Variants in VWF observed in about 807,000 individuals in gnomAD.
VWF encodes the protein Factor VIII related antigen.
A neutral mutation model predicts 308.6 loss-of-function variants in VWF; 176 were observed. That is an observed-to-expected ratio of 0.57 (90% CI 0.50 to 0.65). VWF has a LOEUF of 0.65. Ranked by LOEUF, VWF falls within the 30% of genes least tolerant of loss-of-function variation. VWF has a pLI of 0.00. For missense variants in VWF, 3,146 were observed against 3,648.2 expected, an observed-to-expected ratio of 0.86 and a Z score of 3.55; for synonymous variants, 1,385 against 1,443.4, an observed-to-expected ratio of 0.96 and a Z score of 0.92.
intron 43 of VWF, among the ~76,000 whole-genome samples, chr12:5,975,426 T>G (rs899207496): frequency 2.0e-5 from 3 of 152,186 alleles, no homozygotes; most frequent in African/African-American, 7.2e-5. Context: ...TGCTCCCTTT[T>G]TCTCCAGTCT....
At chr12:6,114,950 G>A (rs1945346953) in intron 3 of VWF, among the ~76,000 whole-genome samples, 1 of 152,234 alleles carries the variant, frequency 6.6e-6, no homozygotes, top group South Asian at 2.1e-4. Context: ...GAACTGCATG[G>A]CAAGGAGAAT....
intron 6 of VWF, among the ~76,000 whole-genome samples, chr12:6,094,314 A>G (rs115483248): frequency 0.097 from 14,824 of 152,180 alleles, 1,535 homozygotes; most frequent in African/African-American, 0.26. Flanking sequence ...ACAGCCTCTC[A>G]CTCAGACTCC....
At chr12:5,962,607 A>G (rs1049854621) in intron 47 of VWF, among the ~76,000 whole-genome samples, 9 of 117,254 alleles carry the variant, frequency 7.7e-5, no homozygotes, top group African/African-American at 1.3e-4. Flanking sequence ...CAGTGGTACA[A>G]TCTCGGCTCA....
intron 6 of VWF, among the ~76,000 whole-genome samples, chr12:6,078,092 C>T (rs1272685192): frequency 2.0e-5 from 3 of 152,320 alleles, no homozygotes; most frequent in Admixed American, 6.5e-5. Context: ...GAGATCCCTC[C>T]GGCCACTAGG....
At position 6,058,200 on chromosome 12, in the gene VWF, G is replaced by C. The variant is rs1057466630; in HGVS notation, c.1534-156C>G. On this transcript the variant is annotated intron_variant, in intron 13 of 51. Coordinates refer to ENST00000261405, the MANE Select transcript of VWF (RefSeq NM_000552.5). The surrounding 1 kb of genome is among the most constrained non-coding windows in gnomAD (Gnocchi z 4.9). ...GGCAGCTAAGCCCTAGGCTGCAAAA[G>C]GGGGGGCGGGGGAAAGTGAACTGCA... is the stretch of plus-strand genomic sequence containing the variant. 7.8e-6 allele frequency among the ~76,000 whole-genome samples: 1 copy of C among 127,818 alleles called. No individual in the cohort carries two copies. Among genetic ancestry groups the C allele is most frequent in the Non-Finnish European group, 1.7e-5 (1 of 59,152 alleles). 83.9% of individuals were successfully genotyped at this position (127,818 alleles called of 152,430 possible).
chr12:6,047,756 C>T (rs1173902616), intron 16 of VWF, among the ~76,000 whole-genome samples: 1 of 152,242 alleles, frequency 6.6e-6, no homozygotes, highest in African/African-American at 2.4e-5. Flanking sequence ...TTGTAAGATT[C>T]ATCCCTGTGA....
chr12:6,093,086 C>CT (rs1219301798), intron 6 of VWF, among the ~76,000 whole-genome samples: 1 of 152,144 alleles, frequency 6.6e-6, no homozygotes, highest in Non-Finnish European at 1.5e-5. Flanking sequence ...GCTCTCCTCT[C>CT]TAAGTTTATG....
rs1209709476 is a variant in VWF at position 5,971,602 on chromosome 12, C to G, written c.7545G>C (p.Lys2515Asn). 1 of 1,613,982 alleles carries G rather than the reference C, an allele frequency of 6.2e-7. No homozygotes were observed. Among genetic ancestry groups the G allele is most frequent in the African/African-American group, 1.3e-5 (1 of 75,064 alleles). ...SPRGDSQSSW[K>N]SVGSQWASPE... ...CGTCCCGGGGGCCTGGACCTACACT[C>G]TTCCAGGAAGACTGGGAGTCCCCCC... is the stretch of plus-strand genomic sequence containing the variant. Residue 2515 changes from lysine (K) to asparagine (N), a missense_variant, in exon 44 of 52, where the codon AAG (lysine) becomes AAC (asparagine). Physicochemically the swap from Lys to Asn is moderately conservative, Grantham distance 94. Around this residue, in one of 3 missense-constraint regions of VWF, gnomAD observed 989 missense variants for 1,117.4 expected, o/e 0.89. Transcript: ENST00000261405.
chr12:5,976,115 C>T lies in VWF; in HGVS notation c.7433G>A (p.Arg2478Gln), dbSNP rs111752224. Residue 2478 changes from arginine (R) to glutamine (Q), a missense_variant, in exon 43 of 52, where the codon CGG becomes CAG. Around this residue, in one of 3 missense-constraint regions of VWF, gnomAD observed 989 missense variants for 1,117.4 expected, o/e 0.89. Coordinates refer to ENST00000261405, the MANE Select transcript of VWF (RefSeq NM_000552.5). ...CSQKPCEDSC[R>Q]SGFTYVLHEG... ...CCCAGCCCCTGCCCCACTCACCGACCGACAGCTGTCCTCACAGGGCTTCTG... is the reference window on the plus strand; with the variant it reads ...CCCAGCCCCTGCCCCACTCACCGACTGACAGCTGTCCTCACAGGGCTTCTG... 290 of 1,613,746 alleles carry T rather than the reference C, an allele frequency of 1.8e-4. No individual in the cohort carries two copies. The highest frequency in any genetic ancestry group is 7.8e-4 in the Admixed American group (47 of 60,010).
chr12:6,077,797 G>GC (rs1478468706), intron 6 of VWF, among the ~76,000 whole-genome samples: 2 of 152,112 alleles, frequency 1.3e-5, no homozygotes, highest in African/African-American at 4.8e-5. Flanking sequence ...GGAACCTGAG[G>GC]CTTCTGAAAG....
chr12:5,964,219 A>AATAAATAC (rs1555189771), intron 47 of VWF, among the ~76,000 whole-genome samples: 30 of 118,232 alleles, frequency 2.5e-4, no homozygotes, highest in African/African-American at 1.1e-3. Context: ...TCTGTCTAAA[A>AATAAATAC]ATACATACAT....
intron 18 of VWF, among the ~76,000 whole-genome samples, chr12:6,036,893 G>A (rs1175971070): frequency 6.6e-6 from 1 of 152,120 alleles, no homozygotes; most frequent in Non-Finnish European, 1.5e-5. Context: ...TTCTCTGAGG[G>A]AAATAGAATT....
intron 42 of VWF, 126 bp from the exon 43 acceptor site, chr12:5,976,386 CT>C (rs1317986048): frequency 1.6e-6 from 2 of 1,244,136 alleles, no homozygotes; most frequent in African/African-American, 3.0e-5. Flanking sequence ...CAAATGTGGT[CT>C]CCGCCCATAT....
At chr12:6,066,210 G>A (rs1467867394) in intron 10 of VWF, among the ~76,000 whole-genome samples, 1 of 151,960 alleles carries the variant, frequency 6.6e-6, no homozygotes, top group Non-Finnish European at 1.5e-5. Flanking sequence ...ATCCTGGAAG[G>A]TGTCCTGGCA....
At chr12:5,980,086 G>GA (rs1241839442) in intron 42 of VWF, among the ~76,000 whole-genome samples, 1 of 65,530 alleles carries the variant, frequency 1.5e-5, no homozygotes, top group African/African-American at 5.5e-5. Flanking sequence ...AGAAAGAAAA[G>GA]AAAGAAAGGA....
At chr12:6,080,459 T>C (rs1944897403) in intron 6 of VWF, among the ~76,000 whole-genome samples, 1 of 152,206 alleles carries the variant, frequency 6.6e-6, no homozygotes, top group South Asian at 2.1e-4. Flanking sequence ...GCAAGAAACC[T>C]GCAGCTGAGA....
chr12:5,962,870 G>A (rs1356679043), intron 47 of VWF, among the ~76,000 whole-genome samples: 1 of 152,096 alleles, frequency 6.6e-6, no homozygotes, highest in Non-Finnish European at 1.5e-5. Flanking sequence ...TTTTACAAAG[G>A]CACCGACATA....
chr12:5,964,630 G>A (rs2136351352), intron 47 of VWF, among the ~76,000 whole-genome samples: 1 of 152,202 alleles, frequency 6.6e-6, no homozygotes, highest in Admixed American at 6.5e-5. Flanking sequence ...CAAGGTCAAG[G>A]TTAGGAGTCA....
intron 38 of VWF, among the ~76,000 whole-genome samples, chr12:5,988,495 G>A (rs541580601): frequency 6.6e-6 from 1 of 152,198 alleles, no homozygotes; most frequent in East Asian, 1.9e-4. Context: ...TTTAAACGCA[G>A]ACCTCAGATA....
Sources: allele counts gnomAD v4.1 joint callset (sites outside exome capture counted in the v4.1 genomes callset), GRCh38; gene constraint gnomAD v4.1.1; regional missense constraint gnomAD v4.1.1; non-coding constraint Gnocchi (gnomAD v3.1); transcripts MANE v1.5; gene names NCBI Gene and HGNC (gene_info 2026-07-23, HGNC 2026-07-21).